SMARCA4: variants seen among roughly 807,000 people sequenced by gnomAD.
SMARCA4 encodes SWI/SNF related BAF chromatin remodeling complex subunit ATPase 4.
A neutral mutation model predicts 193.9 loss-of-function variants in SMARCA4; 31 were observed. That is an observed-to-expected ratio of 0.16 (90% CI 0.12 to 0.22). The LOEUF is 0.22. SMARCA4 is among the 10% of genes least tolerant of loss of function. SMARCA4 has a pLI of 1.00. For missense variants in SMARCA4, 1,148 were observed against 2,296.0 expected (o/e 0.50, Z 10.22); for synonymous variants, 942 against 933.1 (o/e 1.01, Z -0.17).
chr19:10,971,484 TTG>T (rs2084665815), intron 1 of SMARCA4, among the ~76,000 whole-genome samples: 1 of 149,124 alleles, frequency 6.7e-6, no homozygotes, highest in Non-Finnish European at 1.5e-5. Flanking sequence ...CTATGTGACA[TTG>T]TGTCTTTTTT....
chr19:10,974,457 T>C (rs1396400577), intron 1 of SMARCA4, among the ~76,000 whole-genome samples: 2 of 150,762 alleles, frequency 1.3e-5, no homozygotes, highest in African/African-American at 4.9e-5. Context: ...ATTTAGGCTT[T>C]TTTTTTTTTT....
intron 22 of SMARCA4, among the ~76,000 whole-genome samples, chr19:11,026,074 G>A (rs934101191): frequency 6.6e-6 from 1 of 152,246 alleles, no homozygotes; most frequent in Non-Finnish European, 1.5e-5. Context: ...GAAGAGTGCT[G>A]TATGGGATGT....
intron 13 of SMARCA4, 113 bp downstream of exon 13, chr19:11,003,510 C>G: frequency 1.0e-6 from 1 of 998,054 alleles, no homozygotes; most frequent in Non-Finnish European, 1.6e-6. Flanking sequence ...GGGCAGGGAA[C>G]AGCAGGGCCC....
intron 29 of SMARCA4, among the ~76,000 whole-genome samples, chr19:11,038,712 G>A (rs1034529596): frequency 6.6e-6 from 1 of 152,184 alleles, no homozygotes; most frequent in African/African-American, 2.4e-5. Context: ...CAGGCACAGT[G>A]CCCAGCTCAC....
At position 10,995,007 on chromosome 19, in the gene SMARCA4, G is replaced by A. The variant is rs2145943465; in HGVS notation, c.1593+6G>A. On this transcript the variant is annotated splice_donor_region_variant and intron_variant, in intron 9 of 34. Coordinates refer to ENST00000344626, the MANE Select transcript of SMARCA4 (RefSeq NM_003072.5). ...AGCGCATGCGGAGGCTCATGGTATGGTCCTGCCTTCTTGACGTGCGCTCTT... is the reference window on the plus strand; with the variant it reads ...AGCGCATGCGGAGGCTCATGGTATGATCCTGCCTTCTTGACGTGCGCTCTT... The A allele has an allele frequency of 1.9e-6, 3 of 1,607,728 alleles. No individual in the cohort carries two copies. Among genetic ancestry groups the A allele is most frequent in the Non-Finnish European group, 2.5e-6 (3 of 1,176,594 alleles).
intron 11 of SMARCA4, among the ~76,000 whole-genome samples, chr19:11,001,112 T>C (rs968852719): frequency 2.6e-5 from 4 of 152,108 alleles, no homozygotes; most frequent in African/African-American, 9.7e-5. Flanking sequence ...TGGAGTCCAG[T>C]GATGAGGTCA....
chr19:11,049,827 C>T (rs1327866100), intron 30 of SMARCA4, among the ~76,000 whole-genome samples: 1 of 152,226 alleles, frequency 6.6e-6, no homozygotes, highest in Non-Finnish European at 1.5e-5. Context: ...GCGGGCCAGG[C>T]GCAGGCGCTC....
intron 16 of SMARCA4, 44 bp downstream of exon 16, chr19:11,013,156 C>G (rs757117450): frequency 6.2e-7 from 1 of 1,602,418 alleles, no homozygotes; most frequent in Non-Finnish European, 8.5e-7. Context: ...CGCTCACACG[C>G]TCCTGTGTTT....
chr19:10,979,089 G>T (rs2085362499), intron 1 of SMARCA4, among the ~76,000 whole-genome samples: 1 of 152,206 alleles, frequency 6.6e-6, no homozygotes, highest in African/African-American at 2.4e-5. Context: ...ATTGTTAAAA[G>T]TTGTAAGGAC....
At chr19:11,039,013 G>T (rs943745801) in intron 29 of SMARCA4, among the ~76,000 whole-genome samples, 4 of 151,870 alleles carry the variant, frequency 2.6e-5, no homozygotes, top group Non-Finnish European at 5.9e-5. Flanking sequence ...TTCAGCTCAG[G>T]AGTTTGAGAC....
chr19:11,034,763 A>C lies in SMARCA4; in HGVS notation c.3952-151A>C, dbSNP rs2075160543. The C allele has an allele frequency of 1.5e-6, 1 of 689,304 alleles. No homozygotes were observed. Among genetic ancestry groups the C allele is most frequent in the East Asian group, 2.7e-5 (1 of 36,958 alleles). 42.7% of individuals were successfully genotyped at this position (689,304 alleles called of 1,614,324 possible). A position where few individuals can be genotyped will look rare whatever the true frequency, so the allele number is the denominator to read the frequency against. ...CTGACGGAGCCAGGCCAGGTCAGCC[A>C]CTGAAAAATCGAGAGCTACTGTTTA... On this transcript the variant is annotated intron_variant, in intron 28 of 34. Coordinates refer to ENST00000344626, the MANE Select transcript of SMARCA4 (RefSeq NM_003072.5). This position sits in a 1 kb window ranked among gnomAD's most constrained non-coding sequence, Gnocchi z 7.0.
rs762528243 is a variant in SMARCA4, at chr19:11,030,725, G to T, written c.3383-5G>T. 10 of 1,610,422 alleles carry T rather than the reference G, an allele frequency of 6.2e-6. No individual in the cohort carries two copies. Among genetic ancestry groups the T allele is most frequent in the Non-Finnish European group, 8.5e-6 (10 of 1,178,752 alleles). On this transcript the variant is annotated splice_polypyrimidine_tract_variant and splice_region_variant and intron_variant, in intron 24 of 34. Transcript: ENST00000344626. This position sits in a 1 kb window ranked among gnomAD's most constrained non-coding sequence, Gnocchi z 5.5. ...GCTGACCCTGTTCTCCTCTGTGCCC[G>T]TCAGGAACCACGAAGGCGGAGGACC... is the stretch of plus-strand genomic sequence containing the variant.
intron 16 of SMARCA4, among the ~76,000 whole-genome samples, chr19:11,017,380 T>C (rs2089461281): frequency 6.6e-6 from 1 of 152,218 alleles, no homozygotes; most frequent in South Asian, 2.1e-4. Context: ...TTCAGTGAGG[T>C]TGTGAGGTGG....
Position 11,027,797 on chromosome 19 carries a change from C to T in SMARCA4, c.3229C>T (p.Arg1077Ter), listed in dbSNP as rs2146541571. The T allele has an allele frequency of 1.2e-6, 2 of 1,614,096 alleles. No individual in the cohort carries two copies. The highest frequency in any genetic ancestry group is 1.1e-5 in the South Asian group (1 of 91,088). Residue 1077 changes from arginine to a stop codon, truncating the protein, a stop_gained, in exon 24 of 35, where the codon CGA becomes TGA. Coordinates refer to ENST00000344626, the MANE Select transcript of SMARCA4 (RefSeq NM_003072.5). LOFTEE classifies it high-confidence loss of function. ...GGIVQGLDLY[R>*]ASGKFELLDR... ...TCCACACTCCAGGCTGGACCTGTAC[C>T]GAGCCTCGGGTAAATTTGAGCTTCT...
Position 11,041,788 on chromosome 19 carries a change from C to A in SMARCA4, c.4424+228C>A, listed in dbSNP as rs1037543655. Among the ~76,000 whole-genome samples, 2 of 151,780 alleles carry A rather than the reference C, an allele frequency of 1.3e-5. No homozygotes were observed. The highest frequency in any genetic ancestry group is 2.9e-5 in the Non-Finnish European group (2 of 67,942). ...GATGAGAGGGAATGTCACATGTGGTCGAGAGGAGAGGCAGGGGTGCGGGTC... is the reference window on the plus strand; with the variant it reads ...GATGAGAGGGAATGTCACATGTGGTAGAGAGGAGAGGCAGGGGTGCGGGTC... On this transcript the variant is annotated intron_variant, in intron 30 of 34. Transcript: ENST00000344626. This position sits in a 1 kb window ranked among gnomAD's most constrained non-coding sequence, Gnocchi z 5.6.
At chr19:11,013,137 C>A in intron 16 of SMARCA4, 25 bp downstream of exon 16, 4 of 1,612,636 alleles carry the variant, frequency 2.5e-6, no homozygotes, top group Middle Eastern at 1.7e-4. Context: ...CCAGCAACAT[C>A]CCACACGCCG....
intron 19 of SMARCA4, 120 bp from the exon 20 acceptor site, chr19:11,023,398 A>G: frequency 1.4e-6 from 1 of 717,800 alleles, no homozygotes; most frequent in Non-Finnish European, 2.6e-6. Context: ...CCACGTGCCA[A>G]GGGCAAGATC....
chr19:11,045,102 C>T (rs1600497486), intron 30 of SMARCA4, among the ~76,000 whole-genome samples: 1 of 152,180 alleles, frequency 6.6e-6, no homozygotes, highest in Non-Finnish European at 1.5e-5. Context: ...GGGCGGATCA[C>T]GAGGTCAGGA....
Position 11,041,110 on chromosome 19 carries a change from A to G in SMARCA4, c.4171-197A>G, listed in dbSNP as rs1200542682. 2 of 603,074 alleles carry G rather than the reference A, an allele frequency of 3.3e-6. No individual in the cohort carries two copies. Among genetic ancestry groups the G allele is most frequent in the Non-Finnish European group, 2.9e-6 (1 of 343,054 alleles). The allele number at this position is 603,074 out of a possible 1,614,324, so 37.4% of individuals were successfully genotyped here. ...CTTGGGTGGGGTGCCTGCTGGGGGC[A>G]GTGCTGGTCTTTCACTGCAGCCCAG... On this transcript the variant is annotated intron_variant, in intron 29 of 34. Coordinates refer to ENST00000344626, the MANE Select transcript of SMARCA4 (RefSeq NM_003072.5). The surrounding 1 kb of genome is among the most constrained non-coding windows in gnomAD (Gnocchi z 5.6).
Sources: allele counts gnomAD v4.1 joint callset (sites outside exome capture counted in the v4.1 genomes callset), GRCh38; gene constraint gnomAD v4.1.1; non-coding constraint Gnocchi (gnomAD v3.1); transcripts MANE v1.5; gene names NCBI Gene and HGNC (gene_info 2026-07-23, HGNC 2026-07-21).